DRG1: variants seen among roughly 807,000 people sequenced by gnomAD.
DRG1 encodes developmentally regulated GTP binding protein 1, also known as developmentally-regulated GTP-binding protein 1.
A neutral mutation model predicts 38.8 loss-of-function variants in DRG1; 19 were observed. The ratio of observed to expected loss-of-function variants is 0.49; its 90% CI spans 0.34 to 0.72. DRG1 has a LOEUF of 0.72. Ranked by LOEUF, DRG1 falls within the 30% of genes least tolerant of loss-of-function variation. The pLI, the probability that DRG1 is intolerant of heterozygous loss-of-function variation, is 0.01. For synonymous variants in DRG1, 167 were observed against 157.5 expected, an observed-to-expected ratio of 1.06 and a Z score of -0.45; for missense variants, 299 against 444.8, an observed-to-expected ratio of 0.67 and a Z score of 2.95.
intron 5 of DRG1, 21 bp from the exon 6 acceptor site, chr22:31,423,259 T>G (rs2050087155): frequency 6.2e-7 from 1 of 1,612,932 alleles, no homozygotes; most frequent in East Asian, 2.2e-5. Context: ...TGCTGACTAG[T>G]CATCTGCTAT....
At chr22:31,414,523 A>G (rs531587977) in intron 4 of DRG1, among the ~76,000 whole-genome samples, 1 of 152,166 alleles carries the variant, frequency 6.6e-6, no homozygotes. Context: ...AGTCTTTTCT[A>G]TCTCAGTAAA....
intron 7 of DRG1, 30 bp from the exon 8 acceptor site, chr22:31,427,030 G>A (rs758281050): frequency 6.2e-7 from 1 of 1,612,948 alleles, no homozygotes; most frequent in African/African-American, 1.3e-5. Context: ...GTCTAAGAAG[G>A]CAGTAATCTT....
Position 31,400,708 on chromosome 22 carries a change from C to T in DRG1, c.131C>T (p.Thr44Ile), listed in dbSNP as rs2049956227. The change falls in exon 2 of 9, where the codon ACT (threonine) becomes ATT (isoleucine). Residue 44 changes from threonine to isoleucine, a missense_variant. This residue lies in a region of DRG1 where 51 missense variants were observed against 56.1 expected (regional missense o/e 0.91). Transcript: ENST00000331457. ...RLAKLRRELI[T>I]PKGGGGGGPG... ...GCTAAGCTTCGTCGAGAACTCATTA[C>T]TCCAAAGGGTGGTGGTGGTGGAGGT... 1.2e-6 allele frequency: 2 copies of T among 1,613,410 alleles called. No homozygotes were observed. The highest frequency in any genetic ancestry group is 2.7e-5 in the African/African-American group (2 of 74,994).
intron 1 of DRG1, among the ~76,000 whole-genome samples, chr22:31,400,141 C>T (rs1234145789): frequency 6.6e-6 from 1 of 151,992 alleles, no homozygotes; most frequent in African/African-American, 2.4e-5. Context: ...TCGCTGCGTC[C>T]CCCTTATTCC....
chr22:31,414,403 C>T (rs2050033476), intron 4 of DRG1, among the ~76,000 whole-genome samples: 1 of 151,962 alleles, frequency 6.6e-6, no homozygotes, highest in South Asian at 2.1e-4. Context: ...AGTTTGAGAC[C>T]AGCCTGGGCA....
intron 3 of DRG1, among the ~76,000 whole-genome samples, chr22:31,405,666 CAT>C (rs1491283261): frequency 4.7e-5 from 7 of 148,878 alleles, no homozygotes; most frequent in African/African-American, 1.2e-4. Flanking sequence ...TACTGTTGGG[CAT>C]GTGTGTGTGT....
At chr22:31,430,743 G>A (rs2050134066) in intron 8 of DRG1, among the ~76,000 whole-genome samples, 1 of 151,880 alleles carries the variant, frequency 6.6e-6, no homozygotes, top group Admixed American at 6.6e-5. Context: ...TTATTTTTGA[G>A]ACAGGTTCTC....
At chr22:31,411,670 C>T (rs1035804854) in intron 4 of DRG1, among the ~76,000 whole-genome samples, 1 of 151,328 alleles carries the variant, frequency 6.6e-6, no homozygotes, top group Non-Finnish European at 1.5e-5. Flanking sequence ...GCAGGGACTA[C>T]AGGGGTGTGT....
At chr22:31,433,318 TGGAGTGCAACGG>T (rs2050151825) in intron 8 of DRG1, among the ~76,000 whole-genome samples, 1 of 144,986 alleles carries the variant, frequency 6.9e-6, no homozygotes, top group Non-Finnish European at 1.5e-5. Context: ...TTGCCCAACC[TGGAGTGCAACGG>T]CATGATCTTG....
intron 4 of DRG1, among the ~76,000 whole-genome samples, chr22:31,414,587 C>G (rs375521567): frequency 6.6e-6 from 1 of 151,968 alleles, no homozygotes; most frequent in Admixed American, 6.6e-5. Context: ...CCTTTCATCC[C>G]GCACATCTAC....
At chr22:31,417,688 AAAAT>A (rs1233078180) in intron 4 of DRG1, among the ~76,000 whole-genome samples, 1 of 151,812 alleles carries the variant, frequency 6.6e-6, no homozygotes, top group Non-Finnish European at 1.5e-5. Flanking sequence ...TCAAAAAAAT[AAAAT>A]AAATAAAATA....
chr22:31,423,894 C>T (rs148199049), intron 6 of DRG1, among the ~76,000 whole-genome samples: 2,527 of 123,622 alleles, frequency 0.02, 28 homozygotes, highest in Middle Eastern at 0.05. Context: ...GATAGAGTTT[C>T]GCTCTTGTTA....
In DRG1 at chr22:31,434,013, G is replaced by T. The variant is rs763127358; in HGVS notation, c.*42G>T. 5 of 1,576,992 alleles carry T rather than the reference G, an allele frequency of 3.2e-6. No individual in the cohort carries two copies. The African/African-American group carries it at 4.0e-5, about 13-fold the overall frequency. On this transcript the variant is annotated 3_prime_UTR_variant, in exon 9 of 9. Transcript: ENST00000331457. Reference sequence around the variant, plus strand: ...CATCTGCCGGACGAACCACAACAGCGTTCCCCATGATCAAGCACCCTACCC... The same window carrying T: ...CATCTGCCGGACGAACCACAACAGCTTTCCCCATGATCAAGCACCCTACCC...
chr22:31,401,089 A>G (rs1008241433), intron 2 of DRG1, among the ~76,000 whole-genome samples: 3 of 152,098 alleles, frequency 2.0e-5, no homozygotes, highest in East Asian at 3.9e-4. Flanking sequence ...GTCTAAGTGT[A>G]CTGTAGTTTT....
intron 6 of DRG1, among the ~76,000 whole-genome samples, chr22:31,424,206 T>C (rs964292942): frequency 2.6e-5 from 4 of 151,226 alleles, no homozygotes; most frequent in Non-Finnish European, 5.9e-5. Flanking sequence ...TGGAGTGCAA[T>C]GGTGTGATCT....
chr22:31,403,465 C>T (rs1048861347), intron 3 of DRG1, among the ~76,000 whole-genome samples: 10 of 150,274 alleles, frequency 6.7e-5, no homozygotes, highest in Non-Finnish European at 1.0e-4. Context: ...GTCGGGAGTT[C>T]GAGACCAGCC....
rs538138519 is a variant in DRG1 at position 31,431,270 on chromosome 22, G to A, written c.1005-2602G>A. ...AGGATGGTCTCGATCTCCTGACCTC[G>A]TGATCTGTCCACCTCGGCCCCCCAA... On this transcript the variant is annotated intron_variant, in intron 8 of 8. Transcript: ENST00000331457. 3.9e-5 allele frequency among the ~76,000 whole-genome samples: 6 copies of A among 151,972 alleles called. No homozygotes were observed. In the East Asian group the frequency reaches 5.8e-4, roughly 15 times the overall value.
chr22:31,416,661 T>C, intron 4 of DRG1, among the ~76,000 whole-genome samples: 1 of 151,984 alleles, frequency 6.6e-6, no homozygotes, highest in Non-Finnish European at 1.5e-5. Context: ...TTCCAGCACT[T>C]TGGGAGGCTG....
chr22:31,429,120 G>A (rs1248262991), intron 8 of DRG1, among the ~76,000 whole-genome samples: 1 of 151,610 alleles, frequency 6.6e-6, no homozygotes, highest in African/African-American at 2.4e-5. Flanking sequence ...TACTGGTGAG[G>A]CTTGTTTGTG....
Sources: gnomAD v4.1 joint callset for allele counts (sites outside exome capture counted in the v4.1 genomes callset) on GRCh38, gnomAD v4.1.1 for gene constraint, gnomAD v4.1.1 regional missense constraint, MANE v1.5 for transcripts, NCBI Gene and HGNC (gene_info 2026-07-23, HGNC 2026-07-21) for gene names.